SLC35D4: variants seen among roughly 807,000 people sequenced by gnomAD.
The protein encoded by SLC35D4 is UDP-N-acetylglucosamine transporter SLC35D4.
chr18:23,323,656 TC>T, the SLC35D4 span, among the ~76,000 whole-genome samples: 1 of 152,192 alleles, frequency 6.6e-6, no homozygotes, highest in African/African-American at 2.4e-5. Flanking sequence ...GACTGAATTG[TC>T]CATAATTCAC....
At chr18:23,406,498 C>T in the SLC35D4 span, among the ~76,000 whole-genome samples, 6 of 152,166 alleles carry the variant, frequency 3.9e-5, no homozygotes, top group Admixed American at 3.9e-4. Flanking sequence ...AACTTGGATG[C>T]ATTTCTTATA....
chr18:23,304,518 T>G, the SLC35D4 span, among the ~76,000 whole-genome samples: 1 of 149,000 alleles, frequency 6.7e-6, no homozygotes, highest in Admixed American at 6.7e-5. Context: ...ATCAATTATA[T>G]ATAACATATA....
the SLC35D4 span, among the ~76,000 whole-genome samples, chr18:23,302,671 T>C: frequency 2.6e-5 from 4 of 152,312 alleles, no homozygotes; most frequent in African/African-American, 2.4e-5. Flanking sequence ...CTTCCTTCTG[T>C]AGTCTCAGAG....
the SLC35D4 span, among the ~76,000 whole-genome samples, chr18:23,408,860 C>T: frequency 2.7e-5 from 4 of 146,920 alleles, no homozygotes; most frequent in South Asian, 4.3e-4. Flanking sequence ...ACCTGCCTGG[C>T]GCAGTGGCTC....
At chr18:23,255,504 C>G in the SLC35D4 span, among the ~76,000 whole-genome samples, 2 of 151,882 alleles carry the variant, frequency 1.3e-5, no homozygotes, top group Admixed American at 6.6e-5. Context: ...CCATTGGACA[C>G]CAACTCTGAG....
the SLC35D4 span, among the ~76,000 whole-genome samples, chr18:23,413,648 G>A: frequency 6.6e-6 from 1 of 152,152 alleles, no homozygotes; most frequent in African/African-American, 2.4e-5. Flanking sequence ...GAGTTGGCCA[G>A]GCATGGTGGC....
the SLC35D4 span, among the ~76,000 whole-genome samples, chr18:23,410,273 C>G: frequency 3.3e-5 from 5 of 150,766 alleles, no homozygotes; most frequent in East Asian, 2.0e-4. Context: ...GAGGTCAGAT[C>G]GAGACCATCC....
chr18:23,416,160 G>A, the SLC35D4 span, among the ~76,000 whole-genome samples: 105 of 152,306 alleles, frequency 6.9e-4, no homozygotes, highest in African/African-American at 2.5e-3. Context: ...GAAGTGAGCC[G>A]AGATCGTGCC....
At chr18:23,398,704 T>C in the SLC35D4 span, among the ~76,000 whole-genome samples, 2 of 152,272 alleles carry the variant, frequency 1.3e-5, no homozygotes, top group Non-Finnish European at 2.9e-5. Flanking sequence ...ACAACAACAT[T>C]GTTATCCAAT....
At chr18:23,295,416 A>G in the SLC35D4 span, among the ~76,000 whole-genome samples, 1 of 152,224 alleles carries the variant, frequency 6.6e-6, no homozygotes, top group African/African-American at 2.4e-5. Flanking sequence ...AAGGTATGTC[A>G]GGCAGCTACT....
At chr18:23,336,052 G>A in the SLC35D4 span, among the ~76,000 whole-genome samples, 1 of 150,192 alleles carries the variant, frequency 6.7e-6, no homozygotes, top group Non-Finnish European at 1.5e-5. Context: ...AAAAAATGAA[G>A]ACAACATAAC....
chr18:23,317,473 A>C, the SLC35D4 span, among the ~76,000 whole-genome samples: 1 of 152,118 alleles, frequency 6.6e-6, no homozygotes, highest in Non-Finnish European at 1.5e-5. Flanking sequence ...ACCATTTTAC[A>C]TTTCCACCAG....
chr18:23,402,376 T>C, the SLC35D4 span, among the ~76,000 whole-genome samples: 4 of 152,216 alleles, frequency 2.6e-5, no homozygotes, highest in African/African-American at 9.6e-5. Context: ...ATAGAGTATA[T>C]GCTAAGGGTA....
the SLC35D4 span, among the ~76,000 whole-genome samples, chr18:23,270,355 T>C: frequency 6.6e-6 from 1 of 152,252 alleles, no homozygotes; most frequent in Non-Finnish European, 1.5e-5. Context: ...TATGTAGGAA[T>C]GCCTGCATGT....
the SLC35D4 span, among the ~76,000 whole-genome samples, chr18:23,246,431 G>C: frequency 6.6e-6 from 1 of 151,608 alleles, no homozygotes; most frequent in Non-Finnish European, 1.5e-5. Flanking sequence ...TTGCTCTGTC[G>C]CCCAGGCTGA....
the SLC35D4 span, among the ~76,000 whole-genome samples, chr18:23,365,356 C>G: frequency 1.3e-5 from 2 of 152,022 alleles, no homozygotes; most frequent in African/African-American, 4.8e-5. Flanking sequence ...CAGAAGCGGG[C>G]AAAATAAGCC....
the SLC35D4 span, among the ~76,000 whole-genome samples, chr18:23,434,653 G>A: frequency 3.9e-5 from 6 of 152,024 alleles, no homozygotes; most frequent in South Asian, 1.2e-3. Context: ...AATTAGCCAG[G>A]CATGGTGGCG....
the SLC35D4 span, among the ~76,000 whole-genome samples, chr18:23,359,918 A>T: frequency 1.3e-5 from 2 of 152,218 alleles, no homozygotes; most frequent in Non-Finnish European, 2.9e-5. Context: ...CCTCTTCTCA[A>T]GGAAGGTTCT....
chr18:23,359,063 C>T, the SLC35D4 span, among the ~76,000 whole-genome samples: 3 of 152,146 alleles, frequency 2.0e-5, no homozygotes, highest in Non-Finnish European at 2.9e-5. Context: ...CTGAACTACA[C>T]GGCTTAAGCA....
Sources: gnomAD v4.1 joint callset for allele counts (sites outside exome capture counted in the v4.1 genomes callset) on GRCh38, gnomAD v4.1.1 for gene constraint, MANE v1.5 for transcripts, NCBI Gene and HGNC (gene_info 2026-07-23, HGNC 2026-07-21) for gene names.